Variants in CHD6 observed in about 807,000 individuals in gnomAD.
CHD6 encodes ATP-dependent chromatin remodeler CHD6.
A neutral mutation model predicts 276.9 loss-of-function variants in CHD6; 50 were observed. That is an observed-to-expected ratio of 0.18 (90% confidence interval 0.14 to 0.23). The LOEUF (loss-of-function observed/expected upper bound fraction) is 0.23. Ranked by LOEUF, CHD6 falls within the 10% of genes least tolerant of loss-of-function variation. The pLI, the probability that CHD6 is intolerant of heterozygous loss-of-function variation, is 1.00. For synonymous variants in CHD6, 1,173 were observed against 1,229.3 expected, an observed-to-expected ratio of 0.95 and a Z score of 0.96; for missense variants, 2,564 against 3,365.8, an observed-to-expected ratio of 0.76 and a Z score of 5.89.
Position 41,465,709 on chromosome 20 carries a change from G to A in CHD6, c.2664+7613C>T, listed in dbSNP as rs574633408. Among the ~76,000 whole-genome samples, 3 of 152,278 alleles carry A rather than the reference G, an allele frequency of 2.0e-5. No individual in the cohort carries two copies. The South Asian group carries it at 6.2e-4, about 32-fold the overall frequency. Reference sequence around the variant, plus strand: ...CGGTTATATAAAATGTCAACATTAAGGGAAGCTGGGTGAACTGTACATTGG... The same window carrying A: ...CGGTTATATAAAATGTCAACATTAAAGGAAGCTGGGTGAACTGTACATTGG... On this transcript the variant is annotated intron_variant, in intron 17 of 36. Coordinates refer to ENST00000373233, the MANE Select transcript of CHD6 (RefSeq NM_032221.5).
chr20:41,607,923 G>A (rs899613354), intron 1 of CHD6, among the ~76,000 whole-genome samples: 4 of 152,168 alleles, frequency 2.6e-5, no homozygotes, highest in Non-Finnish European at 5.9e-5. Flanking sequence ...AATATCCAAA[G>A]CAAGTTACAC....
At chr20:41,605,609 G>A (rs1047858065) in intron 1 of CHD6, among the ~76,000 whole-genome samples, 3 of 152,110 alleles carry the variant, frequency 2.0e-5, no homozygotes, top group African/African-American at 7.2e-5. Flanking sequence ...TTAGTACTAA[G>A]GAGTTTTACA....
At chr20:41,611,819 G>A (rs1275224906) in intron 1 of CHD6, among the ~76,000 whole-genome samples, 3 of 152,116 alleles carry the variant, frequency 2.0e-5, no homozygotes, top group African/African-American at 7.2e-5. Context: ...TGTATTTTTA[G>A]TAGAGACAGG....
chr20:41,596,884 GA>G (rs2045723298), intron 1 of CHD6, among the ~76,000 whole-genome samples: 1 of 152,146 alleles, frequency 6.6e-6, no homozygotes, highest in Admixed American at 6.5e-5. Context: ...GCCTATAGAG[GA>G]ACCTTTGAGG....
intron 1 of CHD6, among the ~76,000 whole-genome samples, chr20:41,563,026 C>T (rs1345123488): frequency 1.3e-5 from 2 of 152,218 alleles, no homozygotes; most frequent in Non-Finnish European, 2.9e-5. Flanking sequence ...GCATTACCAT[C>T]ATTAACATTA....
At chr20:41,464,001 G>GA (rs2042860719) in intron 17 of CHD6, among the ~76,000 whole-genome samples, 2 of 152,130 alleles carry the variant, frequency 1.3e-5, no homozygotes, top group Admixed American at 6.5e-5. Context: ...TGTACTCAGA[G>GA]AAAGAAAGGG....
intron 10 of CHD6, among the ~76,000 whole-genome samples, chr20:41,493,187 A>C (rs1051020889): frequency 3.3e-5 from 5 of 152,206 alleles, no homozygotes; most frequent in African/African-American, 1.2e-4. Flanking sequence ...TAGCTGATGA[A>C]GAGATAAGAA....
intron 2 of CHD6, among the ~76,000 whole-genome samples, chr20:41,541,175 T>C (rs1185453575): frequency 3.9e-5 from 6 of 152,228 alleles, no homozygotes; most frequent in Non-Finnish European, 7.3e-5. Context: ...GATTGTGCAT[T>C]TGTATGTCTC....
At chr20:41,513,043 A>G in intron 4 of CHD6, 48 bp from the exon 5 acceptor site, 1 of 1,604,684 alleles carries the variant, frequency 6.2e-7, no homozygotes, top group Non-Finnish European at 8.5e-7. Flanking sequence ...GTGAAAGACA[A>G]CAGCCTACAC....
At position 41,405,069 on chromosome 20, in the gene CHD6, T is replaced by C. The variant is rs1397944121; in HGVS notation, c.7672A>G (p.Thr2558Ala). The change falls in exon 37 of 37, where the codon ACG (threonine) becomes GCG (alanine). Residue 2558 changes from threonine to alanine, a missense_variant. Physicochemically the swap from Thr to Ala is moderately conservative, Grantham distance 58. Around this residue, in one of 7 missense-constraint regions of CHD6, gnomAD observed 238 missense variants for 266.0 expected, o/e 0.89. Transcript: ENST00000373233. ...TCAGTCACTGCCGTACCACTTTTCG[T>C]TGTGCTTGATAGAGACGCCGGAGCA... Reference protein sequence around the residue: ...STAPASLSSTTKSGTAVTEKT... With the variant: ...STAPASLSSTAKSGTAVTEKT... 6.2e-7 allele frequency: 1 copy of C among 1,614,216 alleles called. No homozygotes were observed. The highest frequency in any genetic ancestry group is 1.7e-5 in the Admixed American group (1 of 60,026).
At chr20:41,523,679 T>C (rs772759660) in intron 3 of CHD6, among the ~76,000 whole-genome samples, 3 of 151,672 alleles carry the variant, frequency 2.0e-5, no homozygotes, top group Non-Finnish European at 4.4e-5. Context: ...AAATAGGAAA[T>C]TTCATTATCA....
intron 17 of CHD6, among the ~76,000 whole-genome samples, chr20:41,471,093 C>G (rs2043041961): frequency 6.6e-6 from 1 of 152,192 alleles, no homozygotes; most frequent in Non-Finnish European, 1.5e-5. Context: ...CTGAAAAGGG[C>G]CTGATAGTAA....
At chr20:41,604,800 A>C (rs1001229597) in intron 1 of CHD6, among the ~76,000 whole-genome samples, 1 of 152,132 alleles carries the variant, frequency 6.6e-6, no homozygotes, top group Non-Finnish European at 1.5e-5. Context: ...CCATTTTCCA[A>C]GGGTTTTCAT....
intron 25 of CHD6, among the ~76,000 whole-genome samples, chr20:41,443,251 T>A (rs2047955988): frequency 6.6e-6 from 1 of 152,242 alleles, no homozygotes; most frequent in Admixed American, 6.5e-5. Flanking sequence ...CGACCTTATG[T>A]ATCATCTGGG....
chr20:41,555,340 G>T lies in CHD6; in HGVS notation c.-23-3980C>A, dbSNP rs866350772. Among the ~76,000 whole-genome samples, 93 of 143,962 alleles carry T rather than the reference G, an allele frequency of 6.5e-4. No individual in the cohort carries two copies. The South Asian group carries it at 0.011, about 16-fold the overall frequency. The allele number at this position is 143,962 out of a possible 152,430, so 94.4% of individuals were successfully genotyped here. Reference sequence around the variant, plus strand: ...AGAGGCGCCCCTCACCTCCCGGACGGGGCGGCCGGCCGGGCGGGGGGCCGA... The same window carrying T: ...AGAGGCGCCCCTCACCTCCCGGACGTGGCGGCCGGCCGGGCGGGGGGCCGA... On this transcript the variant is annotated intron_variant, in intron 1 of 36. Transcript: ENST00000373233.
At chr20:41,600,445 A>T (rs1326666329) in intron 1 of CHD6, among the ~76,000 whole-genome samples, 2 of 152,188 alleles carry the variant, frequency 1.3e-5, no homozygotes, top group Non-Finnish European at 2.9e-5. Context: ...GGGGGGTCTT[A>T]TCCAGGAAGG....
chr20:41,596,653 T>C (rs2146275282), intron 1 of CHD6, among the ~76,000 whole-genome samples: 1 of 151,514 alleles, frequency 6.6e-6, no homozygotes, highest in South Asian at 2.1e-4. Flanking sequence ...ATCAGTGCCT[T>C]GAACCCAAAG....
At chr20:41,450,519 A>C (rs1399183933) in intron 23 of CHD6, among the ~76,000 whole-genome samples, 1 of 152,052 alleles carries the variant, frequency 6.6e-6, no homozygotes, top group Non-Finnish European at 1.5e-5. Context: ...ACAGATACAA[A>C]GCATACTATC....
intron 1 of CHD6, among the ~76,000 whole-genome samples, chr20:41,563,012 G>A (rs903731424): frequency 4.6e-5 from 7 of 152,316 alleles, no homozygotes; most frequent in African/African-American, 1.7e-4. Flanking sequence ...CGGTCTGAAA[G>A]GATGCATTAC....
Sources: allele counts gnomAD v4.1 joint callset (sites outside exome capture counted in the v4.1 genomes callset), GRCh38; gene constraint gnomAD v4.1.1; regional missense constraint gnomAD v4.1.1; transcripts MANE v1.5; gene names NCBI Gene and HGNC (gene_info 2026-07-23, HGNC 2026-07-21).